BLTP1: variants seen among roughly 807,000 people sequenced by gnomAD.
BLTP1 encodes fragile site-associated protein.
the BLTP1 span, chr4:122,185,050 A>C: frequency 1.0e-6 from 1 of 985,202 alleles, no homozygotes; most frequent in Non-Finnish European, 1.2e-6. Flanking sequence ...ATAGAAGACT[A>C]AATACTAGTG....
At chr4:122,227,976 C>A in the BLTP1 span, among the ~76,000 whole-genome samples, 1 of 150,728 alleles carries the variant, frequency 6.6e-6, no homozygotes, top group East Asian at 1.9e-4. Context: ...TGCAGTGGCG[C>A]CATCTCGACT....
the BLTP1 span, chr4:122,359,792 TAA>T: frequency 2.6e-6 from 4 of 1,517,672 alleles, no homozygotes; most frequent in African/African-American, 1.4e-5. Context: ...ATGAATAATG[TAA>T]GTTACATATG....
the BLTP1 span, chr4:122,235,225 A>G: frequency 6.1e-6 from 3 of 492,416 alleles, no homozygotes; most frequent in Non-Finnish European, 7.9e-6. Context: ...AGTTAGAAGT[A>G]GGTCTGCTAT....
the BLTP1 span, chr4:122,204,618 A>T: frequency 2.1e-6 from 2 of 974,724 alleles, no homozygotes; most frequent in Non-Finnish European, 2.4e-6. Flanking sequence ...AGCAGAGAGG[A>T]TATGAAAGAC....
At chr4:122,331,429 A>G in the BLTP1 span, 1 of 1,612,118 alleles carries the variant, frequency 6.2e-7, no homozygotes, top group Non-Finnish European at 8.5e-7. Context: ...TGGCACAGCT[A>G]CAGAGAGAAA....
At chr4:122,302,747 A>T in the BLTP1 span, among the ~76,000 whole-genome samples, 187 of 152,338 alleles carry the variant, frequency 1.2e-3, no homozygotes, top group African/African-American at 4.3e-3. Context: ...CAGGAATGAT[A>T]AGAAAGCCAA....
At chr4:122,246,024 T>C in the BLTP1 span, 1 of 1,050,148 alleles carries the variant, frequency 9.5e-7, no homozygotes, top group Non-Finnish European at 1.3e-6. Flanking sequence ...TAAGGTGGGA[T>C]ATAAAACTAG....
At chr4:122,353,261 C>A in the BLTP1 span, 9 of 1,500,886 alleles carry the variant, frequency 6.0e-6, no homozygotes, top group South Asian at 6.8e-5. The surrounding 1 kb of genome is among the most constrained non-coding windows in gnomAD (Gnocchi z 4.3). Flanking sequence ...ATGTATCTGA[C>A]ATGTTAAGGA....
At chr4:122,322,053 A>G in the BLTP1 span, among the ~76,000 whole-genome samples, 1 of 89,752 alleles carries the variant, frequency 1.1e-5, no homozygotes, top group Non-Finnish European at 2.1e-5. Context: ...AGCTTCCTCT[A>G]TCTGTGGTTT....
chr4:122,215,180 TCA>T, the BLTP1 span: 189 of 250,748 alleles, frequency 7.5e-4, no homozygotes, highest in Admixed American at 2.9e-3. Flanking sequence ...TGTTGGACAT[TCA>T]GTGTTCCCTA....
At chr4:122,261,402 A>G in the BLTP1 span, 2 of 985,126 alleles carry the variant, frequency 2.0e-6, no homozygotes, top group Non-Finnish European at 2.4e-6. Context: ...TGAAATTCCA[A>G]ATGCTTAGTT....
the BLTP1 span, chr4:122,234,849 A>G: frequency 6.3e-7 from 1 of 1,597,024 alleles, no homozygotes; most frequent in Non-Finnish European, 8.5e-7. Flanking sequence ...CGGTGGCTGC[A>G]GATTCTTTGG....
At chr4:122,205,923 G>T in the BLTP1 span, 8 of 983,934 alleles carry the variant, frequency 8.1e-6, no homozygotes, top group Non-Finnish European at 9.7e-6. Flanking sequence ...TGCTGGGAGT[G>T]TACAATGCAT....
the BLTP1 span, chr4:122,208,606 C>T: frequency 4.1e-6 from 4 of 978,614 alleles, no homozygotes; most frequent in Non-Finnish European, 4.9e-6. Flanking sequence ...AAAAAAATAT[C>T]TGTGGATACC....
chr4:122,309,332 A>G, the BLTP1 span: 29 of 1,613,300 alleles, frequency 1.8e-5, no homozygotes, highest in East Asian at 2.2e-5. Flanking sequence ...TACTCTCATC[A>G]CTGCATGCTC....
At chr4:122,336,904 A>G in the BLTP1 span, 1 of 1,607,682 alleles carries the variant, frequency 6.2e-7, no homozygotes, top group South Asian at 1.1e-5. Flanking sequence ...AGATGAAGAT[A>G]TGGGACATTT....
chr4:122,350,361 G>C, the BLTP1 span: 1 of 985,216 alleles, frequency 1.0e-6, no homozygotes, highest in Non-Finnish European at 1.2e-6. Flanking sequence ...TTCTGGTTTA[G>C]AATGTCTGTG....
At chr4:122,246,926 C>G in the BLTP1 span, 3 of 1,464,532 alleles carry the variant, frequency 2.0e-6, no homozygotes, top group African/African-American at 4.3e-5. Context: ...AAACTCAGAA[C>G]TGGTTTTGGA....
At chr4:122,360,215 A>G in the BLTP1 span, among the ~76,000 whole-genome samples, 1 of 152,240 alleles carries the variant, frequency 6.6e-6, no homozygotes, top group East Asian at 1.9e-4. Flanking sequence ...TTATAAAACC[A>G]TGCCTAATAT....
Sources: allele counts gnomAD v4.1 joint callset (sites outside exome capture counted in the v4.1 genomes callset), GRCh38; gene constraint gnomAD v4.1.1; non-coding constraint Gnocchi (gnomAD v3.1); transcripts MANE v1.5; gene names NCBI Gene and HGNC (gene_info 2026-07-23, HGNC 2026-07-21).